SPOCK1: variants seen among roughly 807,000 people sequenced by gnomAD.
SPOCK1 encodes the protein SPARC (osteonectin), cwcv and kazal like domains proteoglycan 1.
In SPOCK1, 23 loss-of-function variants were observed where a neutral mutation model predicts 55.3. The ratio of observed to expected loss-of-function variants is 0.42; its 90% CI spans 0.30 to 0.59. The LOEUF (loss-of-function observed/expected upper bound fraction) is 0.59. SPOCK1 is among the 20% of genes least tolerant of loss of function. The probability of loss-of-function intolerance (pLI) is 0.22; values close to 1 mark genes in which losing one functional copy is unlikely to be tolerated. For synonymous variants in SPOCK1, 226 were observed against 221.0 expected (o/e 1.02, Z -0.20); for missense variants, 499 against 552.5 (o/e 0.90, Z 0.97).
chr5:137,368,241 C>G (rs1258993246), intron 2 of SPOCK1, among the ~76,000 whole-genome samples: 1 of 152,176 alleles, frequency 6.6e-6, no homozygotes, highest in African/African-American at 2.4e-5. Flanking sequence ...TATGAAAAAA[C>G]AGCCAGGGAA....
In SPOCK1 at chr5:137,082,000, G is replaced by T. The variant is rs564676661; in HGVS notation, c.475-14171C>A. ...CATGTCTGATCTCATTTCTCCCAGA[G>T]CCTGATGAAAGGAGAGCTGGCTAGG... is the stretch of plus-strand genomic sequence containing the variant. On this transcript the variant is annotated intron_variant, in intron 5 of 10. Transcript: ENST00000394945. Among the ~76,000 whole-genome samples the T allele has an allele frequency of 9.2e-5, 14 of 152,306 alleles. No homozygotes were observed. In the East Asian group the frequency reaches 2.7e-3, roughly 29 times the overall value.
At chr5:137,252,371 G>C (rs1287193288) in intron 3 of SPOCK1, among the ~76,000 whole-genome samples, 9 of 152,222 alleles carry the variant, frequency 5.9e-5, no homozygotes, top group Admixed American at 5.9e-4. Context: ...TACACATATA[G>C]AGCAATACAG....
At chr5:137,067,612 T>C in intron 6 of SPOCK1, 103 bp downstream of exon 6, 1 of 963,290 alleles carries the variant, frequency 1.0e-6, no homozygotes, top group Non-Finnish European at 1.6e-6. Flanking sequence ...GTCTGCTCAT[T>C]TCTCCAGTTT....
intron 3 of SPOCK1, among the ~76,000 whole-genome samples, chr5:137,238,360 T>G (rs1756221313): frequency 6.6e-6 from 1 of 152,366 alleles, no homozygotes; most frequent in African/African-American, 2.4e-5. Context: ...TGTTCCTTTA[T>G]GCTAAACATG....
chr5:137,150,953 A>G (rs1754308131), intron 3 of SPOCK1, among the ~76,000 whole-genome samples: 2 of 152,140 alleles, frequency 1.3e-5, no homozygotes, highest in Non-Finnish European at 2.9e-5. Flanking sequence ...CAACTAAAGG[A>G]AGGGAAACAG....
intron 2 of SPOCK1, among the ~76,000 whole-genome samples, chr5:137,331,758 G>A (rs1032270329): frequency 9.2e-5 from 14 of 151,982 alleles, no homozygotes; most frequent in African/African-American, 3.1e-4. Flanking sequence ...GGAGGGATCC[G>A]CTCCCACGAT....
At chr5:137,020,090 G>C (rs1193314792) in intron 6 of SPOCK1, among the ~76,000 whole-genome samples, 1 of 150,522 alleles carries the variant, frequency 6.6e-6, no homozygotes, top group Admixed American at 6.6e-5. Flanking sequence ...AAAAAAATAG[G>C]AAAAAGAATC....
intron 2 of SPOCK1, among the ~76,000 whole-genome samples, chr5:137,439,962 T>C (rs560758305): frequency 6.6e-6 from 1 of 152,222 alleles, no homozygotes. Context: ...GTAGTCCCTC[T>C]TACAGATGAA....
At chr5:137,309,731 G>A (rs1757758398) in intron 2 of SPOCK1, among the ~76,000 whole-genome samples, 1 of 151,978 alleles carries the variant, frequency 6.6e-6, no homozygotes, top group South Asian at 2.1e-4. Context: ...TCTTCGCTGA[G>A]CTCTAAGTTA....
chr5:137,182,658 C>T (rs1022927539), intron 3 of SPOCK1, among the ~76,000 whole-genome samples: 1 of 152,116 alleles, frequency 6.6e-6, no homozygotes, highest in African/African-American at 2.4e-5. Flanking sequence ...GGTTTGCCTG[C>T]CAGACTGTGA....
intron 3 of SPOCK1, among the ~76,000 whole-genome samples, chr5:137,147,149 AT>A: frequency 6.6e-6 from 1 of 151,990 alleles, no homozygotes; most frequent in South Asian, 2.1e-4. Flanking sequence ...TTGGGGGTCA[AT>A]TTTTTGGTTG....
chr5:137,232,604 T>C (rs991177969), intron 3 of SPOCK1, among the ~76,000 whole-genome samples: 7 of 152,218 alleles, frequency 4.6e-5, no homozygotes, highest in Non-Finnish European at 8.8e-5. Context: ...AGCCTTAAAA[T>C]CAGGTAGAGT....
At chr5:137,012,113 A>C (rs1475871677) in intron 6 of SPOCK1, among the ~76,000 whole-genome samples, 2 of 152,158 alleles carry the variant, frequency 1.3e-5, no homozygotes, top group Non-Finnish European at 2.9e-5. Context: ...CTACACCCAA[A>C]TGTGATCTCA....
At chr5:137,411,898 T>A (rs1007560502) in intron 2 of SPOCK1, among the ~76,000 whole-genome samples, 1 of 149,470 alleles carries the variant, frequency 6.7e-6, no homozygotes, top group African/African-American at 2.4e-5. Flanking sequence ...AAGGAAAATG[T>A]TGACTGTTTT....
chr5:137,267,565 A>G (rs577123029), intron 2 of SPOCK1, among the ~76,000 whole-genome samples: 3 of 152,368 alleles, frequency 2.0e-5, no homozygotes, highest in Non-Finnish European at 2.9e-5. Flanking sequence ...AAAGGCGTAC[A>G]TTTAGCTTAA....
At chr5:137,293,942 G>A (rs1414447995) in intron 2 of SPOCK1, among the ~76,000 whole-genome samples, 6 of 152,226 alleles carry the variant, frequency 3.9e-5, no homozygotes, top group Admixed American at 2.0e-4. Context: ...GCATGAACCC[G>A]GGAGGCGGAG....
At chr5:137,115,149 G>A (rs1753552702) in intron 4 of SPOCK1, among the ~76,000 whole-genome samples, 1 of 152,160 alleles carries the variant, frequency 6.6e-6, no homozygotes, top group African/African-American at 2.4e-5. Flanking sequence ...GGTGCATCCT[G>A]GACGCTAAAG....
chr5:137,148,229 T>C (rs777096423), intron 3 of SPOCK1, among the ~76,000 whole-genome samples: 8 of 152,172 alleles, frequency 5.3e-5, no homozygotes, highest in Non-Finnish European at 1.2e-4. Context: ...AGTTAAGGAC[T>C]ACCCACTACT....
chr5:137,477,482 A>C (rs1753860037), intron 2 of SPOCK1, among the ~76,000 whole-genome samples: 1 of 152,178 alleles, frequency 6.6e-6, no homozygotes, highest in Non-Finnish European at 1.5e-5. Context: ...GGTTGGGAAG[A>C]CACTTGCAGA....
Sources: allele counts gnomAD v4.1 joint callset (sites outside exome capture counted in the v4.1 genomes callset), GRCh38; gene constraint gnomAD v4.1.1; transcripts MANE v1.5; gene names NCBI Gene and HGNC (gene_info 2026-07-23, HGNC 2026-07-21).